Variants in MACROD2 observed in about 807,000 individuals in gnomAD.
MACROD2 encodes mono-ADP ribosylhydrolase 2.
MACROD2 carries 36 observed loss-of-function variants against 70.4 expected under a neutral mutation model. The observed-to-expected ratio is 0.51, with a 90% CI of 0.39 to 0.68. The LOEUF is 0.68. Among genes scored for constraint, MACROD2 ranks in the 30% least tolerant of loss-of-function variants. MACROD2 has a pLI of 0.00. For missense variants in MACROD2, 496 were observed against 538.4 expected (o/e 0.92, Z 0.78); for synonymous variants, 172 against 178.8 (o/e 0.96, Z 0.30).
chr20:15,528,164 C>G (rs142991949), intron 8 of MACROD2, among the ~76,000 whole-genome samples: 1 of 152,028 alleles, frequency 6.6e-6, no homozygotes. Flanking sequence ...GAGACAGAGT[C>G]TTGCTCTTTG....
chr20:14,425,002 T>C (rs1308068441), intron 3 of MACROD2, among the ~76,000 whole-genome samples: 1 of 152,268 alleles, frequency 6.6e-6, no homozygotes, highest in African/African-American at 2.4e-5. Flanking sequence ...ACCTTGTTTC[T>C]GTTCGGGTTC....
At chr20:15,670,038 G>A (rs183027392) in intron 8 of MACROD2, among the ~76,000 whole-genome samples, 1 of 152,260 alleles carries the variant, frequency 6.6e-6, no homozygotes, top group Admixed American at 6.5e-5. Flanking sequence ...CTTACCTATG[G>A]TCACCCTGTT....
chr20:15,730,374 T>A (rs183086695), intron 8 of MACROD2, among the ~76,000 whole-genome samples: 2 of 152,332 alleles, frequency 1.3e-5, no homozygotes, highest in Non-Finnish European at 2.9e-5. Context: ...TCAGGACCTC[T>A]TGTAAGGTGG....
At chr20:14,090,049 G>A (rs190966584) in intron 3 of MACROD2, among the ~76,000 whole-genome samples, 2 of 152,060 alleles carry the variant, frequency 1.3e-5, no homozygotes, top group African/African-American at 4.8e-5. Flanking sequence ...CCCCTTATTA[G>A]TGTTGCCATT....
At position 14,784,668 on chromosome 20, in the gene MACROD2, T is replaced by TGGG. The variant is rs3045608; in HGVS notation, c.418+99720_418+99722dup. 7.2e-3 allele frequency among the ~76,000 whole-genome samples: 682 copies of TGGG among 94,482 alleles called. 14 individuals are homozygous for TGGG. The highest frequency in any genetic ancestry group is 0.011 in the Non-Finnish European group (458 of 43,062). 62.0% of individuals were successfully genotyped at this position (94,482 alleles called of 152,430 possible). Reference sequence around the variant, plus strand: ...GGTCAGAAAAGGATGGTGTTTTAAGTGGGGGGGGGGGGGCACCAGATTCAG... The same window carrying TGGG: ...GGTCAGAAAAGGATGGTGTTTTAAGTGGGGGGGGGGGGGGGGCACCAGATTCAG... On this transcript the variant is annotated intron_variant, in intron 5 of 17. Coordinates refer to ENST00000684519, the MANE Select transcript of MACROD2 (RefSeq NM_001351661.2).
chr20:14,909,305 T>C (rs147480681), intron 5 of MACROD2, among the ~76,000 whole-genome samples: 7 of 152,220 alleles, frequency 4.6e-5, no homozygotes, highest in African/African-American at 1.7e-4. Context: ...GGGCTTCGAA[T>C]CTGGTTAAGT....
chr20:15,231,697 C>T (rs563333227), intron 6 of MACROD2, among the ~76,000 whole-genome samples: 1 of 152,132 alleles, frequency 6.6e-6, no homozygotes, highest in East Asian at 1.9e-4. Context: ...CTATTTGCTA[C>T]CATTAGGTAA....
chr20:14,363,556 C>T (rs895782505), intron 3 of MACROD2, among the ~76,000 whole-genome samples: 1 of 151,428 alleles, frequency 6.6e-6, no homozygotes, highest in African/African-American at 2.4e-5. Context: ...CGCGGTGGCT[C>T]ACGCCTGTAA....
At chr20:14,823,084 G>A (rs1477907988) in intron 5 of MACROD2, among the ~76,000 whole-genome samples, 1 of 152,152 alleles carries the variant, frequency 6.6e-6, no homozygotes, top group Non-Finnish European at 1.5e-5. Flanking sequence ...AGCAGTTATA[G>A]AGGCATGATT....
intron 1 of MACROD2, among the ~76,000 whole-genome samples, chr20:13,998,319 T>C (rs2052689342): frequency 6.6e-6 from 1 of 152,086 alleles, no homozygotes; most frequent in Admixed American, 6.6e-5. Flanking sequence ...TTTCAAGTAT[T>C]GCAACTTATT....
At chr20:14,814,375 T>C (rs1002342371) in intron 5 of MACROD2, among the ~76,000 whole-genome samples, 1 of 152,044 alleles carries the variant, frequency 6.6e-6, no homozygotes, top group Non-Finnish European at 1.5e-5. Context: ...CAACAGTAAA[T>C]GCTTACAGTT....
At position 14,276,869 on chromosome 20, in the gene MACROD2, A is replaced by G. The variant is rs1026876823; in HGVS notation, c.271+191141A>G. Among the ~76,000 whole-genome samples the G allele has an allele frequency of 3.9e-5, 6 of 152,160 alleles. No homozygotes were observed. The East Asian group carries it at 1.2e-3, about 29-fold the overall frequency. On this transcript the variant is annotated intron_variant, in intron 3 of 17. Transcript: ENST00000684519. ...ATTTTTAGTTGCAAAACCATAGAAT[A>G]CTTAACAGTCACCTAATCTTTATGT...
intron 8 of MACROD2, among the ~76,000 whole-genome samples, chr20:15,840,324 G>C (rs1385998779): frequency 6.6e-6 from 1 of 152,160 alleles, no homozygotes; most frequent in Non-Finnish European, 1.5e-5. Context: ...ATGGTGAGCT[G>C]GTCAGAAATT....
At chr20:14,428,446 AGTT>A (rs1252344496) in intron 3 of MACROD2, among the ~76,000 whole-genome samples, 1 of 152,128 alleles carries the variant, frequency 6.6e-6, no homozygotes, top group African/African-American at 2.4e-5. Context: ...TCAAAATGCC[AGTT>A]GTTTTATGAA....
intron 5 of MACROD2, among the ~76,000 whole-genome samples, chr20:15,086,399 T>C (rs989181950): frequency 1.3e-5 from 2 of 152,148 alleles, no homozygotes; most frequent in African/African-American, 4.8e-5. Context: ...ATGAACTAAG[T>C]AGGGAAGAAG....
chr20:14,128,764 A>G (rs1458715583), intron 3 of MACROD2, among the ~76,000 whole-genome samples: 2 of 152,200 alleles, frequency 1.3e-5, no homozygotes, highest in South Asian at 2.1e-4. Context: ...CTCATTCAAC[A>G]TTTACAAAAT....
intron 5 of MACROD2, among the ~76,000 whole-genome samples, chr20:14,908,614 G>C (rs1298837987): frequency 6.6e-6 from 1 of 151,818 alleles, no homozygotes; most frequent in East Asian, 1.9e-4. Flanking sequence ...AGTGAGCTGA[G>C]ACCATGCCAC....
chr20:15,142,236 A>C (rs2076197162), intron 5 of MACROD2, among the ~76,000 whole-genome samples: 1 of 152,194 alleles, frequency 6.6e-6, no homozygotes, highest in Non-Finnish European at 1.5e-5. Flanking sequence ...AGTGAAGACA[A>C]AAATTAATTC....
intron 2 of MACROD2, among the ~76,000 whole-genome samples, chr20:14,028,358 C>A (rs374286661): frequency 5.3e-5 from 8 of 152,126 alleles, no homozygotes; most frequent in Admixed American, 5.2e-4. Context: ...CTTGCTGGAC[C>A]CCGTGGGGGT....
Sources: allele counts gnomAD v4.1 joint callset (sites outside exome capture counted in the v4.1 genomes callset), GRCh38; gene constraint gnomAD v4.1.1; transcripts MANE v1.5; gene names NCBI Gene and HGNC (gene_info 2026-07-23, HGNC 2026-07-21).